The following NAPB variants were observed in gnomAD, a reference collection of about 807,000 sequenced individuals.
NAPB encodes the protein beta-soluble NSF attachment protein.
NAPB carries 26 observed loss-of-function variants against 44.7 expected under a neutral mutation model. The observed-to-expected ratio is 0.58, with a 90% CI of 0.43 to 0.81. NAPB has a LOEUF of 0.81. NAPB is among the 30% of genes least tolerant of loss of function. The probability of loss-of-function intolerance (pLI) is 0.00; values close to 1 mark genes in which losing one functional copy is unlikely to be tolerated. For missense variants in NAPB, 315 were observed against 356.4 expected, an observed-to-expected ratio of 0.88 and a Z score of 0.94; for synonymous variants, 120 against 116.8, an observed-to-expected ratio of 1.03 and a Z score of -0.18.
At chr20:23,389,887 G>A in intron 7 of NAPB, 59 bp downstream of exon 7, 1 of 1,471,244 alleles carries the variant, frequency 6.8e-7, no homozygotes, top group Non-Finnish European at 9.4e-7. Flanking sequence ...AAAATAAAAA[G>A]TTTAATTTTG....
intron 3 of NAPB, among the ~76,000 whole-genome samples, chr20:23,395,891 A>G (rs1984321291): frequency 6.6e-6 from 1 of 152,238 alleles, no homozygotes; most frequent in South Asian, 2.1e-4. Context: ...CGTTTGGTTT[A>G]AAGAGGCAGC....
chr20:23,379,767 G>A, intron 9 of NAPB, 100 bp downstream of exon 9: 1 of 891,748 alleles, frequency 1.1e-6, no homozygotes, highest in South Asian at 1.6e-5. Flanking sequence ...TCAGTTAGCA[G>A]ACTTTATAGA....
Position 23,376,169 on chromosome 20 carries a change from G to C in NAPB, c.*1207C>G, listed in dbSNP as rs1179298463. On this transcript the variant is annotated 3_prime_UTR_variant, in exon 11 of 11. Coordinates refer to ENST00000377026, the MANE Select transcript of NAPB (RefSeq NM_022080.3). ...ATCATTTAACTATAAATATTCAGAGGACATTCAGGAGACAAGCGTATGTCT... is the reference window on the plus strand; with the variant it reads ...ATCATTTAACTATAAATATTCAGAGCACATTCAGGAGACAAGCGTATGTCT... The C allele has an allele frequency of 6.6e-6, 1 of 152,146 alleles. No individual in the cohort carries two copies. Among genetic ancestry groups the C allele is most frequent in the Non-Finnish European group, 1.5e-5 (1 of 68,034 alleles). 9.4% of individuals were successfully genotyped at this position (152,146 alleles called of 1,614,324 possible).
intron 1 of NAPB, among the ~76,000 whole-genome samples, chr20:23,403,484 T>C (rs934537813): frequency 4.6e-5 from 7 of 151,868 alleles, no homozygotes; most frequent in Non-Finnish European, 8.8e-5. Flanking sequence ...GTGCCTGTAG[T>C]ACCAGCTACT....
intron 1 of NAPB, 73 bp downstream of exon 1, chr20:23,421,232 G>T: frequency 7.5e-7 from 1 of 1,335,618 alleles, no homozygotes; most frequent in Non-Finnish European, 1.0e-6. Context: ...GGGACTCGGG[G>T]GGTCAGCCTG....
At chr20:23,413,371 A>G (rs1397093288) in intron 1 of NAPB, among the ~76,000 whole-genome samples, 1 of 152,216 alleles carries the variant, frequency 6.6e-6, no homozygotes, top group Non-Finnish European at 1.5e-5. Context: ...TATAAAATAC[A>G]ACTGAAGCAG....
chr20:23,386,497 A>T (rs924343788), intron 7 of NAPB, among the ~76,000 whole-genome samples: 3 of 152,242 alleles, frequency 2.0e-5, no homozygotes, highest in African/African-American at 7.2e-5. Flanking sequence ...CAAGAAAACT[A>T]ACGATCAATA....
At chr20:23,409,481 A>G (rs1985496419) in intron 1 of NAPB, among the ~76,000 whole-genome samples, 1 of 152,228 alleles carries the variant, frequency 6.6e-6, no homozygotes, top group Non-Finnish European at 1.5e-5. Flanking sequence ...ATAGGTATAC[A>G]CTGGACCTAT....
chr20:23,421,199 T>C, intron 1 of NAPB, 106 bp downstream of exon 1: 1 of 939,182 alleles, frequency 1.1e-6, no homozygotes, highest in Non-Finnish European at 1.6e-6. Context: ...AGACGTGGTC[T>C]GAGGGCCCCA....
At chr20:23,390,622 G>T (rs1376795812) in intron 5 of NAPB, among the ~76,000 whole-genome samples, 1 of 152,182 alleles carries the variant, frequency 6.6e-6, no homozygotes, top group Non-Finnish European at 1.5e-5. Context: ...CCTCCTCCAG[G>T]CCTTCCACTT....
chr20:23,381,067 A>C (rs1982962637), intron 8 of NAPB, 146 bp downstream of exon 8: 3 of 608,264 alleles, frequency 4.9e-6, no homozygotes, highest in Non-Finnish European at 5.9e-6. Flanking sequence ...TACAACTGGG[A>C]CACATACCAC....
At chr20:23,380,049 T>A in intron 8 of NAPB, 114 bp from the exon 9 acceptor site, 1 of 714,668 alleles carries the variant, frequency 1.4e-6, no homozygotes, top group Non-Finnish European at 2.3e-6. Flanking sequence ...TGAAAAAGTA[T>A]GTAGTTAAAC....
chr20:23,405,561 T>C (rs908499074), intron 1 of NAPB, among the ~76,000 whole-genome samples: 26 of 151,824 alleles, frequency 1.7e-4, no homozygotes, highest in African/African-American at 6.3e-4. Flanking sequence ...CCATCTCTAG[T>C]AAAAATACAA....
chr20:23,381,180 A>C, intron 8 of NAPB, 33 bp downstream of exon 8: 1 of 1,430,204 alleles, frequency 7.0e-7, no homozygotes, highest in African/African-American at 1.4e-5. Flanking sequence ...CTTATGGGTG[A>C]AATCAGTCAA....
At chr20:23,390,102 T>G in intron 6 of NAPB, 72 bp from the exon 7 acceptor site, 1 of 1,526,312 alleles carries the variant, frequency 6.6e-7, no homozygotes, top group Admixed American at 1.7e-5. Flanking sequence ...TGGGCCTCAG[T>G]ACATCTTCAT....
chr20:23,419,388 T>C (rs1012257127), intron 1 of NAPB, among the ~76,000 whole-genome samples: 1 of 152,206 alleles, frequency 6.6e-6, no homozygotes, highest in Non-Finnish European at 1.5e-5. Flanking sequence ...ACAAAGGCTT[T>C]TCAAAATCCT....
At chr20:23,385,734 GA>G (rs1162170878) in intron 7 of NAPB, among the ~76,000 whole-genome samples, 74 of 131,434 alleles carry the variant, frequency 5.6e-4, no homozygotes, top group South Asian at 7.4e-4. Context: ...AGAAGAGAAA[GA>G]AGAGAAAGAG....
chr20:23,406,198 A>G (rs1054902575), intron 1 of NAPB, among the ~76,000 whole-genome samples: 2 of 152,162 alleles, frequency 1.3e-5, no homozygotes, highest in Non-Finnish European at 2.9e-5. Context: ...TGAGAAATAC[A>G]TTTCTGTTCT....
Position 23,421,298 on chromosome 20 carries a change from C to A in NAPB, c.98+7G>T, listed in dbSNP as rs1986415239. 5 of 1,549,460 alleles carry A rather than the reference C, an allele frequency of 3.2e-6. No homozygotes were observed. Among genetic ancestry groups the A allele is most frequent in the South Asian group, 1.2e-5 (1 of 84,260 alleles). ...CCCCCCCAGGGCACGCACGGTCTGG[C>A]GCTCACCCAAACAGCCCTCGGAGGA... On this transcript the variant is annotated splice_region_variant and intron_variant, in intron 1 of 10. Coordinates refer to ENST00000377026, the MANE Select transcript of NAPB (RefSeq NM_022080.3).
Sources: allele counts gnomAD v4.1 joint callset (sites outside exome capture counted in the v4.1 genomes callset), GRCh38; gene constraint gnomAD v4.1.1; transcripts MANE v1.5; gene names NCBI Gene and HGNC (gene_info 2026-07-23, HGNC 2026-07-21).